Variants in SV2C observed in about 807,000 individuals in gnomAD.
SV2C encodes the protein solute carrier family 22 member B3.
Under a neutral mutation model 79.7 loss-of-function variants are expected in SV2C, and 49 were observed. The ratio of observed to expected loss-of-function variants is 0.61; its 90% CI spans 0.49 to 0.78. The LOEUF (loss-of-function observed/expected upper bound fraction) is 0.78, where lower values mean the gene tolerates loss of function less well. Among genes scored for constraint, SV2C ranks in the 30% least tolerant of loss-of-function variants. The pLI, the probability that SV2C is intolerant of heterozygous loss-of-function variation, is 0.00. For synonymous variants in SV2C, 334 were observed against 333.2 expected (o/e 1.00, Z -0.03); for missense variants, 833 against 912.9 (o/e 0.91, Z 1.13).
At chr5:76,029,011 C>T in the SV2C span, among the ~76,000 whole-genome samples, 1 of 152,208 alleles carries the variant, frequency 6.6e-6, no homozygotes, top group Non-Finnish European at 1.5e-5. Context: ...AAGTAAGTGG[C>T]TGTGGAGTGA....
At chr5:75,925,248 C>A in the SV2C span, among the ~76,000 whole-genome samples, 1 of 152,196 alleles carries the variant, frequency 6.6e-6, no homozygotes, top group Non-Finnish European at 1.5e-5. Flanking sequence ...TGCCATCAGG[C>A]TCAGCACAGA....
At chr5:76,090,119 T>TACAGG (rs1323750230) in intron 1 of SV2C, among the ~76,000 whole-genome samples, 111 of 152,350 alleles carry the variant, frequency 7.3e-4, no homozygotes, top group African/African-American at 2.5e-3. Context: ...GCTATGCAGT[T>TACAGG]ACAAAAGTCC....
intron 2 of SV2C, among the ~76,000 whole-genome samples, chr5:76,149,014 A>G (rs1277345767): frequency 6.6e-6 from 1 of 152,172 alleles, no homozygotes; most frequent in Non-Finnish European, 1.5e-5. Flanking sequence ...TAGGGTTGCC[A>G]GATGCTTATA....
chr5:75,904,056 G>A, the SV2C span, among the ~76,000 whole-genome samples: 42 of 152,252 alleles, frequency 2.8e-4, no homozygotes, highest in African/African-American at 8.4e-4. Flanking sequence ...GTAAGCACAC[G>A]TGTGTTTAAA....
the SV2C span, among the ~76,000 whole-genome samples, chr5:75,865,987 C>T: frequency 6.6e-6 from 1 of 152,140 alleles, no homozygotes; most frequent in African/African-American, 2.4e-5. Flanking sequence ...TAACTCCTGC[C>T]ATTGGGAGGA....
chr5:76,269,179 G>T (rs1027940700), intron 4 of SV2C, among the ~76,000 whole-genome samples: 2 of 152,120 alleles, frequency 1.3e-5, no homozygotes, highest in African/African-American at 4.8e-5. Context: ...AGCATCCATG[G>T]CCTCTACCTA....
chr5:75,903,816 T>C, the SV2C span, among the ~76,000 whole-genome samples: 1 of 152,252 alleles, frequency 6.6e-6, no homozygotes, highest in Admixed American at 6.5e-5. Context: ...TGGAAGTTTC[T>C]ACATTTCCTC....
chr5:76,315,598 G>A (rs948693599), intron 12 of SV2C, among the ~76,000 whole-genome samples: 3 of 152,170 alleles, frequency 2.0e-5, no homozygotes, highest in Admixed American at 6.5e-5. Context: ...GTGCAAGATT[G>A]GTATAAACCA....
chr5:76,321,194 C>T (rs1343712689), intron 12 of SV2C, among the ~76,000 whole-genome samples: 1 of 152,028 alleles, frequency 6.6e-6, no homozygotes, highest in Non-Finnish European at 1.5e-5. Flanking sequence ...GTAGTTATGA[C>T]TTGTCAAAGA....
the SV2C span, among the ~76,000 whole-genome samples, chr5:76,070,065 C>A: frequency 2.6e-5 from 4 of 152,052 alleles, no homozygotes; most frequent in African/African-American, 9.7e-5. Context: ...CAGTCTGCAG[C>A]TTGGAGTCCA....
chr5:76,092,832 C>A (rs1475152801), intron 1 of SV2C, among the ~76,000 whole-genome samples: 1 of 152,084 alleles, frequency 6.6e-6, no homozygotes, highest in Non-Finnish European at 1.5e-5. Flanking sequence ...CAATCCTCAG[C>A]TCGAAGGTCC....
intron 2 of SV2C, 90 bp from the exon 3 acceptor site, chr5:76,194,829 G>T: frequency 6.9e-7 from 1 of 1,452,266 alleles, no homozygotes. Context: ...GCAAAATGCT[G>T]GAATGTATTT....
chr5:76,292,125 C>T (rs557007489), intron 8 of SV2C, among the ~76,000 whole-genome samples: 1 of 152,250 alleles, frequency 6.6e-6, no homozygotes, highest in East Asian at 1.9e-4. Flanking sequence ...CTGTCCTGTC[C>T]TCCTTTGCCC....
chr5:76,043,276 A>G, the SV2C span, among the ~76,000 whole-genome samples: 3 of 152,124 alleles, frequency 2.0e-5, no homozygotes, highest in African/African-American at 7.2e-5. Flanking sequence ...CCTCCCATCT[A>G]GTACCAGGAT....
intron 2 of SV2C, among the ~76,000 whole-genome samples, chr5:76,177,099 A>G (rs1313037510): frequency 7.1e-6 from 1 of 141,384 alleles, no homozygotes; most frequent in African/African-American, 2.7e-5. Context: ...TGGGCGACAG[A>G]GCGAGACTCT....
chr5:76,020,601 G>A, the SV2C span, among the ~76,000 whole-genome samples: 6 of 152,164 alleles, frequency 3.9e-5, no homozygotes, highest in Non-Finnish European at 5.9e-5. Flanking sequence ...CCCTCTCAGA[G>A]GTAGTGAATG....
the SV2C span, among the ~76,000 whole-genome samples, chr5:75,890,736 C>T: frequency 6.6e-6 from 1 of 152,098 alleles, no homozygotes; most frequent in Non-Finnish European, 1.5e-5. Flanking sequence ...TAGAATGCTA[C>T]AGTTAGTCAT....
At chr5:75,868,628 C>T in the SV2C span, among the ~76,000 whole-genome samples, 1 of 152,212 alleles carries the variant, frequency 6.6e-6, no homozygotes, top group Non-Finnish European at 1.5e-5. Flanking sequence ...CTTCACTTTA[C>T]TGTATCCACC....
the SV2C span, among the ~76,000 whole-genome samples, chr5:75,852,695 A>G: frequency 1.9e-4 from 29 of 151,902 alleles, no homozygotes; most frequent in Non-Finnish European, 2.4e-4. Context: ...GCGTGGTGGC[A>G]GGTGCCTGTA....
Sources: gnomAD v4.1 joint callset for allele counts (sites outside exome capture counted in the v4.1 genomes callset) on GRCh38, gnomAD v4.1.1 for gene constraint, MANE v1.5 for transcripts, NCBI Gene and HGNC (gene_info 2026-07-23, HGNC 2026-07-21) for gene names.